The following ARHGAP24 variants were observed in gnomAD, a reference collection of about 807,000 sequenced individuals.
The protein encoded by ARHGAP24 is rho GTPase-activating protein 24.
In ARHGAP24, 50 loss-of-function variants were observed where a neutral mutation model predicts 76.4. The ratio of observed to expected loss-of-function variants is 0.65; its 90% CI spans 0.52 to 0.83. The LOEUF (loss-of-function observed/expected upper bound fraction) is 0.83. Ranked by LOEUF, ARHGAP24 falls within the 40% of genes least tolerant of loss-of-function variation. The pLI is 0.00. For synonymous variants in ARHGAP24, 345 were observed against 323.3 expected (o/e 1.07, Z -0.72); for missense variants, 930 against 914.2 (o/e 1.02, Z -0.22).
At chr4:85,980,554 T>C (rs1384276442) in intron 8 of ARHGAP24, among the ~76,000 whole-genome samples, 2 of 152,210 alleles carry the variant, frequency 1.3e-5, no homozygotes, top group African/African-American at 4.8e-5. Context: ...TTAATCCTCC[T>C]TTTATTCTTT....
chr4:85,515,764 TG>T (rs748448556), intron 1 of ARHGAP24, among the ~76,000 whole-genome samples: 1 of 152,208 alleles, frequency 6.6e-6, no homozygotes, highest in East Asian at 1.9e-4. Context: ...GAACATATGT[TG>T]TTGGATAATT....
At chr4:85,792,537 A>G (rs1318095781) in intron 3 of ARHGAP24, among the ~76,000 whole-genome samples, 3 of 151,912 alleles carry the variant, frequency 2.0e-5, no homozygotes, top group Non-Finnish European at 4.4e-5. Context: ...CATTTCTTGC[A>G]TTTGTCCTCA....
intron 3 of ARHGAP24, among the ~76,000 whole-genome samples, chr4:85,819,986 C>T (rs1729399480): frequency 6.6e-6 from 1 of 151,984 alleles, no homozygotes; most frequent in Non-Finnish European, 1.5e-5. Flanking sequence ...CCAATTAAAC[C>T]TCTTTTCTTT....
intron 1 of ARHGAP24, among the ~76,000 whole-genome samples, chr4:85,564,404 G>T (rs187662152): frequency 2.4e-4 from 34 of 142,398 alleles, no homozygotes; most frequent in Admixed American, 1.1e-3. Flanking sequence ...GGGGTGGGGG[G>T]AGCGGGGGGG....
chr4:85,969,357 A>G (rs1470363988), intron 5 of ARHGAP24, among the ~76,000 whole-genome samples: 1 of 152,156 alleles, frequency 6.6e-6, no homozygotes, highest in African/African-American at 2.4e-5. Context: ...TTTCTTGTTT[A>G]TCATTATTGT....
Position 85,589,058 on chromosome 4 carries a change from T to C in ARHGAP24, c.180+18337T>C, listed in dbSNP as rs186495718. On this transcript the variant is annotated intron_variant, in intron 2 of 9. Coordinates refer to ENST00000395184, the MANE Select transcript of ARHGAP24 (RefSeq NM_001025616.3). ...AATAAATTGCATTGGGCCTCAGAGA[T>C]GTGGGCATATAATGAATAGAGATTC... Among the ~76,000 whole-genome samples, 14 of 152,308 alleles carry C rather than the reference T, an allele frequency of 9.2e-5. 1 individual carries two copies. In the East Asian group the frequency reaches 2.7e-3, roughly 29 times the overall value.
chr4:85,798,056 A>T (rs1054057723), intron 3 of ARHGAP24, among the ~76,000 whole-genome samples: 44 of 57,958 alleles, frequency 7.6e-4, no homozygotes, highest in Non-Finnish European at 1.5e-3. Context: ...AAATCCCTTG[A>T]GTTTACTACT....
intron 7 of ARHGAP24, chr4:85,975,417 G>T (rs1172001306): frequency 6.3e-6 from 1 of 159,990 alleles, no homozygotes; most frequent in African/African-American, 2.4e-5. Context: ...TTTAAAAATT[G>T]AATTATATTT....
intron 1 of ARHGAP24, among the ~76,000 whole-genome samples, chr4:85,559,539 A>G (rs191758877): frequency 3.9e-5 from 6 of 152,344 alleles, no homozygotes; most frequent in Admixed American, 3.9e-4. Context: ...TTGGACCAAC[A>G]TCTTCAGAAG....
chr4:85,691,196 A>G (rs2101134), intron 2 of ARHGAP24, among the ~76,000 whole-genome samples: 84,550 of 151,968 alleles, frequency 0.56, 25,671 homozygotes, highest in East Asian at 0.94. Flanking sequence ...TTATTGTACC[A>G]TGGCCTGAGA....
At chr4:85,769,576 A>G (rs2110077949) in intron 3 of ARHGAP24, among the ~76,000 whole-genome samples, 1 of 152,244 alleles carries the variant, frequency 6.6e-6, no homozygotes, top group Non-Finnish European at 1.5e-5. Flanking sequence ...ATAGCTTGAT[A>G]TCTCGATGGA....
intron 1 of ARHGAP24, among the ~76,000 whole-genome samples, chr4:85,569,087 A>G (rs1412554298): frequency 6.6e-6 from 1 of 152,248 alleles, no homozygotes; most frequent in East Asian, 1.9e-4. Context: ...TAGAAACTTC[A>G]TGGAATTTAT....
chr4:85,568,273 T>C (rs568499191), intron 1 of ARHGAP24, among the ~76,000 whole-genome samples: 7 of 146,214 alleles, frequency 4.8e-5, no homozygotes, highest in Non-Finnish European at 1.0e-4. Flanking sequence ...TAATTTGTTG[T>C]GCAATGAATT....
intron 3 of ARHGAP24, among the ~76,000 whole-genome samples, chr4:85,832,239 TG>T (rs1197328616): frequency 6.6e-6 from 1 of 152,042 alleles, no homozygotes; most frequent in Non-Finnish European, 1.5e-5. Context: ...GTGGTCTCAG[TG>T]GTGTAGGGGT....
rs189276073 is a variant in ARHGAP24 at position 85,961,763 on chromosome 4, A to T, written c.600-10273A>T. Among the ~76,000 whole-genome samples, 7 of 152,190 alleles carry T rather than the reference A, an allele frequency of 4.6e-5. No individual in the cohort carries two copies. In the East Asian group the frequency reaches 1.2e-3, roughly 25 times the overall value. On this transcript the variant is annotated intron_variant, in intron 5 of 9. Coordinates refer to ENST00000395184, the MANE Select transcript of ARHGAP24 (RefSeq NM_001025616.3). The stretch of plus-strand genomic sequence containing the variant: ...ATATGGCTTTTAAATGCTGTTAGAA[A>T]ATATACACACACATATGCACACGTG...
At chr4:85,877,683 A>G (rs1159413002) in intron 3 of ARHGAP24, among the ~76,000 whole-genome samples, 1 of 151,734 alleles carries the variant, frequency 6.6e-6, no homozygotes, top group African/African-American at 2.4e-5. Context: ...TCTAAAATAC[A>G]GTGAATTTAA....
intron 2 of ARHGAP24, among the ~76,000 whole-genome samples, chr4:85,707,703 G>T (rs17010650): frequency 0.029 from 4,428 of 152,110 alleles, 190 homozygotes; most frequent in African/African-American, 0.1. Flanking sequence ...GGAATGGACC[G>T]CTAATGAACA....
chr4:85,881,155 G>A (rs1418395354), intron 3 of ARHGAP24, among the ~76,000 whole-genome samples: 1 of 152,154 alleles, frequency 6.6e-6, no homozygotes, highest in Non-Finnish European at 1.5e-5. Flanking sequence ...TGACAGACAG[G>A]CAGGTAGTGT....
At chr4:85,831,487 G>C (rs1729990571) in intron 3 of ARHGAP24, among the ~76,000 whole-genome samples, 1 of 152,096 alleles carries the variant, frequency 6.6e-6, no homozygotes, top group Non-Finnish European at 1.5e-5. Flanking sequence ...TTATGATAAA[G>C]TATAAAACCA....
Sources: allele counts gnomAD v4.1 joint callset (sites outside exome capture counted in the v4.1 genomes callset), GRCh38; gene constraint gnomAD v4.1.1; transcripts MANE v1.5; gene names NCBI Gene and HGNC (gene_info 2026-07-23, HGNC 2026-07-21).